Variants in PTPRE observed in about 807,000 individuals in gnomAD.
PTPRE encodes the protein protein tyrosine phosphatase receptor type E, also known as receptor-type tyrosine-protein phosphatase epsilon.
Under a neutral mutation model 102.0 loss-of-function variants are expected in PTPRE, and 51 were observed. The observed-to-expected ratio is 0.50, with a 90% CI of 0.40 to 0.63. PTPRE has a LOEUF of 0.63. PTPRE is among the 30% of genes least tolerant of loss of function. The probability of loss-of-function intolerance (pLI) is 0.00; values close to 1 mark genes in which losing one functional copy is unlikely to be tolerated. For synonymous variants in PTPRE, 345 were observed against 348.2 expected, an observed-to-expected ratio of 0.99 and a Z score of 0.10; for missense variants, 752 against 915.1, an observed-to-expected ratio of 0.82 and a Z score of 2.30.
intron 2 of PTPRE, among the ~76,000 whole-genome samples, chr10:128,030,531 C>A (rs1846656938): frequency 1.3e-5 from 2 of 152,144 alleles, no homozygotes; most frequent in Non-Finnish European, 2.9e-5. Context: ...TGGAGAGAAT[C>A]CACGTGTCAG....
At chr10:127,983,140 G>A (rs997933296) in intron 2 of PTPRE, among the ~76,000 whole-genome samples, 1 of 152,112 alleles carries the variant, frequency 6.6e-6, no homozygotes, top group African/African-American at 2.4e-5. Context: ...TCCCTGGCTG[G>A]CCCTCTTTTT....
intron 2 of PTPRE, among the ~76,000 whole-genome samples, chr10:128,040,403 G>C (rs1048886445): frequency 8.5e-5 from 13 of 152,162 alleles, no homozygotes; most frequent in African/African-American, 2.9e-4. Context: ...TGAAGAAACC[G>C]ATTGAAAAGC....
At chr10:127,982,182 C>G in intron 1 of PTPRE, 92 bp from the exon 2 acceptor site, 2 of 742,402 alleles carry the variant, frequency 2.7e-6, no homozygotes. Flanking sequence ...ATGGGATAGT[C>G]GACTAGTGCT....
At chr10:128,049,425 T>C in intron 5 of PTPRE, 105 bp from the exon 6 acceptor site, 1 of 1,415,816 alleles carries the variant, frequency 7.1e-7, no homozygotes, top group Non-Finnish European at 9.7e-7. Flanking sequence ...CTGTTCCAGC[T>C]CCAGCCTGGT....
At chr10:128,040,829 C>A in intron 2 of PTPRE, 46 bp from the exon 3 acceptor site, 1 of 1,508,828 alleles carries the variant, frequency 6.6e-7, no homozygotes, top group Non-Finnish European at 9.2e-7. Flanking sequence ...GAGGGTCCCA[C>A]AGCTGCTGCT....
At position 128,049,423 on chromosome 10, in the gene PTPRE, G is replaced by A. The variant is rs1253737870; in HGVS notation, c.284-107G>A. The A allele has an allele frequency of 2.1e-6, 3 of 1,406,320 alleles. No homozygotes were observed. In the East Asian group the frequency reaches 6.9e-5, roughly 32 times the overall value. 87.1% of individuals were successfully genotyped at this position (1,406,320 alleles called of 1,614,324 possible). On this transcript the variant is annotated intron_variant, in intron 5 of 20. Coordinates refer to ENST00000254667, the MANE Select transcript of PTPRE (RefSeq NM_006504.6). ...TATGCGATTTGAGAGAACTGTTCCA[G>A]CTCCAGCCTGGTCATTTCTTCAGGA... is the stretch of plus-strand genomic sequence containing the variant.
At position 127,907,457 on chromosome 10, in the gene PTPRE, C is replaced by T. The variant is rs1845557839; in HGVS notation, c.-31+148C>T. 3.9e-6 allele frequency: 2 copies of T among 517,632 alleles called. No homozygotes were observed. Among genetic ancestry groups the T allele is most frequent in the South Asian group, 8.4e-5 (1 of 11,936 alleles). The allele number at this position is 517,632 out of a possible 1,614,324, so 32.1% of individuals were successfully genotyped here. ...CAGAGTCCGGACCCCGGCCCCGCCGCCCCCGCGGCGCGCCCAGTACCAGCG... is the reference window on the plus strand; with the variant it reads ...CAGAGTCCGGACCCCGGCCCCGCCGTCCCCGCGGCGCGCCCAGTACCAGCG... On this transcript the variant is annotated intron_variant, in intron 1 of 20. Transcript: ENST00000254667. This position sits in a 1 kb window ranked among gnomAD's most constrained non-coding sequence, Gnocchi z 4.8.
At position 128,084,894 on chromosome 10, in the gene PTPRE, C is replaced by A; in HGVS notation, c.*1988C>A. The A allele has an allele frequency of 4.5e-6, 1 of 223,686 alleles. No individual in the cohort carries two copies. Among genetic ancestry groups the A allele is most frequent in the South Asian group, 5.2e-5 (1 of 19,108 alleles). The allele number at this position is 223,686 out of a possible 1,614,324, so 13.9% of individuals were successfully genotyped here. A position where few individuals can be genotyped will look rare whatever the true frequency, so the allele number is the denominator to read the frequency against. ...ATGTCTAGGAGCCCTCTGTCAGAAT[C>A]CTTGAAGCCCTTTAATGGTCTAACT... On this transcript the variant is annotated 3_prime_UTR_variant, in exon 21 of 21. Coordinates refer to ENST00000254667, the MANE Select transcript of PTPRE (RefSeq NM_006504.6).
At chr10:128,024,570 G>C (rs551909850) in intron 2 of PTPRE, among the ~76,000 whole-genome samples, 6 of 152,260 alleles carry the variant, frequency 3.9e-5, no homozygotes, top group Non-Finnish European at 8.8e-5. Context: ...TTAGAGTTTG[G>C]CACACAGGAA....
In PTPRE at chr10:128,067,187, CAT is replaced by C. The variant is rs573055492; in HGVS notation, c.844-935_844-934del. On this transcript the variant is annotated intron_variant, in intron 11 of 20. Transcript: ENST00000254667. ...ACATGCACACATGCACACATTCACA[CAT>C]GTGCACACACATACACCCACACACA... 1.8e-3 allele frequency among the ~76,000 whole-genome samples: 261 copies of C among 148,118 alleles called. 7 individuals carry two copies. Among genetic ancestry groups the C allele is most frequent in the Admixed American group, 0.014 (209 of 14,780 alleles).
chr10:128,069,545 G>C lies in PTPRE; in HGVS notation c.1008-147G>C. Reference sequence around the variant, plus strand: ...CTTTACTGAGACCACAGCTCCCTCTGGTGGCTGCACTGTAGCTTTGCTCCT... The same window carrying C: ...CTTTACTGAGACCACAGCTCCCTCTCGTGGCTGCACTGTAGCTTTGCTCCT... On this transcript the variant is annotated intron_variant, in intron 12 of 20. Coordinates refer to ENST00000254667, the MANE Select transcript of PTPRE (RefSeq NM_006504.6). The C allele has an allele frequency of 2.8e-6, 3 of 1,055,994 alleles. No homozygotes were observed. The South Asian group carries it at 4.6e-5, about 16-fold the overall frequency. The allele number at this position is 1,055,994 out of a possible 1,614,324, so 65.4% of individuals were successfully genotyped here.
intron 2 of PTPRE, among the ~76,000 whole-genome samples, chr10:127,983,968 G>A (rs1376466328): frequency 6.6e-6 from 1 of 152,110 alleles, no homozygotes; most frequent in African/African-American, 2.4e-5. Flanking sequence ...TGCAGGAGCT[G>A]ACTTCCTGTC....
intron 2 of PTPRE, among the ~76,000 whole-genome samples, chr10:128,012,720 T>C (rs1414709824): frequency 6.6e-6 from 1 of 152,156 alleles, no homozygotes; most frequent in African/African-American, 2.4e-5. Context: ...CTATGTCAAA[T>C]ACAAGGATTC....
rs147864894 is a variant in PTPRE at position 127,919,896 on chromosome 10, G to A, written c.-31+12587G>A. 4.2e-4 allele frequency among the ~76,000 whole-genome samples: 64 copies of A among 152,132 alleles called. No homozygotes were observed. The East Asian group carries it at 0.012, about 28-fold the overall frequency. On this transcript the variant is annotated intron_variant, in intron 1 of 20. Transcript: ENST00000254667. ...TGGGTAGAAATCAGTGACATCAATC[G>A]TGGTTATTTTACTTAGCAGTGGATT...
intron 11 of PTPRE, among the ~76,000 whole-genome samples, chr10:128,067,382 A>G (rs551009814): frequency 0.01 from 720 of 69,514 alleles, 6 homozygotes; most frequent in Middle Eastern, 0.055. Context: ...GCACACATTC[A>G]CACATGTGCA....
At chr10:128,031,080 C>T (rs994870490) in intron 2 of PTPRE, among the ~76,000 whole-genome samples, 2 of 152,252 alleles carry the variant, frequency 1.3e-5, no homozygotes, top group Non-Finnish European at 2.9e-5. Context: ...CACATCCTGG[C>T]AGTCAACTCT....
intron 7 of PTPRE, among the ~76,000 whole-genome samples, chr10:128,057,598 C>T (rs1176019252): frequency 9.9e-5 from 15 of 152,190 alleles, no homozygotes; most frequent in Admixed American, 2.6e-4. Flanking sequence ...ATTTTACATG[C>T]GTGGGATTGA....
intron 1 of PTPRE, among the ~76,000 whole-genome samples, chr10:127,916,065 C>A (rs952053512): frequency 1.3e-5 from 2 of 151,148 alleles, no homozygotes; most frequent in Admixed American, 6.6e-5. Context: ...GAAGACAGAA[C>A]TCACTTCCAG....
chr10:128,061,002 CTTCCTACATAGATGTAAGTGGGCAGAGGT>C lies in PTPRE; in HGVS notation c.579_588+19del. On this transcript the variant is annotated splice_donor_variant and splice_donor_5th_base_variant and coding_sequence_variant and intron_variant, in exon 8 of 21. Coordinates refer to ENST00000254667, the MANE Select transcript of PTPRE (RefSeq NM_006504.6). LOFTEE classifies it high-confidence loss of function. ...ATTCCCTGTTCAGACTACATCAATG[CTTCCTACATAGATGTAAGTGGGCAGAGGT>C]TTCTTGTTCCCCTGGCCCAGCTGGG... 6.2e-7 allele frequency: 1 copy of C among 1,614,000 alleles called. No homozygotes were observed. Among genetic ancestry groups the C allele is most frequent in the South Asian group, 1.1e-5 (1 of 91,082 alleles).
Sources: allele counts gnomAD v4.1 joint callset (sites outside exome capture counted in the v4.1 genomes callset), GRCh38; gene constraint gnomAD v4.1.1; non-coding constraint Gnocchi (gnomAD v3.1); transcripts MANE v1.5; gene names NCBI Gene and HGNC (gene_info 2026-07-23, HGNC 2026-07-21).